The following GRM7 variants were observed in gnomAD, a reference collection of about 807,000 sequenced individuals.
GRM7 encodes glutamate metabotropic receptor 7, also known as metabotropic glutamate receptor 7.
GRM7 carries 35 observed loss-of-function variants against 84.5 expected under a neutral mutation model. That is an observed-to-expected ratio of 0.41 (90% CI 0.32 to 0.55). GRM7 has a LOEUF of 0.55. GRM7 is among the 20% of genes least tolerant of loss of function. The pLI, the probability that GRM7 is intolerant of heterozygous loss-of-function variation, is 0.19. For missense variants in GRM7, 1,003 were observed against 1,194.6 expected, an observed-to-expected ratio of 0.84 and a Z score of 2.36; for synonymous variants, 487 against 455.1, an observed-to-expected ratio of 1.07 and a Z score of -0.89.
At chr3:7,706,923 C>T (rs73023762) in intron 9 of GRM7, among the ~76,000 whole-genome samples, 7,418 of 152,184 alleles carry the variant, frequency 0.049, 231 homozygotes, top group South Asian at 0.12. Flanking sequence ...CAGCAAAGAT[C>T]GTCTCCAAGG....
intron 2 of GRM7, among the ~76,000 whole-genome samples, chr3:7,248,005 C>T (rs1376701848): frequency 6.6e-6 from 1 of 152,142 alleles, no homozygotes; most frequent in Non-Finnish European, 1.5e-5. Context: ...GATCAGAACT[C>T]TTACACTTTA....
chr3:7,490,927 A>G lies in GRM7; in HGVS notation c.1515+29205A>G, dbSNP rs545473047. On this transcript the variant is annotated intron_variant, in intron 7 of 9. Coordinates refer to ENST00000357716, the MANE Select transcript of GRM7 (RefSeq NM_000844.4). ...TTAAGGTAAATAAATAATCTAAAAC[A>G]AAAGAAAAACAAGAAAAAAATTGTA... Among the ~76,000 whole-genome samples, 18 of 152,210 alleles carry G rather than the reference A, an allele frequency of 1.2e-4. No individual in the cohort carries two copies. In the East Asian group the frequency reaches 3.1e-3, roughly 26 times the overall value.
rs368196553 is a variant in GRM7, at chr3:7,393,278, C to T, written c.1034-21745C>T. 8.9e-4 allele frequency among the ~76,000 whole-genome samples: 136 copies of T among 152,308 alleles called. 4 individuals carry two copies. The South Asian group carries it at 0.026, about 29-fold the overall frequency. On this transcript the variant is annotated intron_variant, in intron 4 of 9. Transcript: ENST00000357716. ...GGCTCCCAGCTGAGGCTACTCCAGG[C>T]TCAAGTGCCTGCGGAATTCTGTGTG...
intron 7 of GRM7, among the ~76,000 whole-genome samples, chr3:7,559,760 C>T (rs771489598): frequency 3.9e-5 from 6 of 152,112 alleles, no homozygotes; most frequent in Admixed American, 6.6e-5. Flanking sequence ...AGAATACCTC[C>T]GACTGGGTGA....
chr3:7,572,826 ATATATATATATATATATATATATAT>A (rs1559411739), intron 7 of GRM7, among the ~76,000 whole-genome samples: 14,608 of 62,516 alleles, frequency 0.23, 2,885 homozygotes, highest in Middle Eastern at 0.38. Flanking sequence ...TATCTCAAAT[ATATATATATATATATATATATATAT>A]ATATATATAT....
At chr3:7,451,791 A>G (rs1697779967) in intron 5 of GRM7, 1 of 152,202 alleles carries the variant, frequency 6.6e-6, no homozygotes, top group Non-Finnish European at 1.5e-5. Context: ...ATCAGTTGTT[A>G]TCATTATTAG....
At chr3:7,024,906 G>T (rs1302339721) in intron 1 of GRM7, among the ~76,000 whole-genome samples, 1 of 152,288 alleles carries the variant, frequency 6.6e-6, no homozygotes, top group Non-Finnish European at 1.5e-5. Flanking sequence ...GGCTTAAAAC[G>T]ATGTAAATGT....
At chr3:7,428,767 C>T (rs1287420297) in intron 5 of GRM7, among the ~76,000 whole-genome samples, 2 of 152,080 alleles carry the variant, frequency 1.3e-5, no homozygotes, top group Admixed American at 1.3e-4. Flanking sequence ...TCTGTGACCC[C>T]AGAATAATAA....
At chr3:7,271,132 T>G (rs1287274315) in intron 2 of GRM7, among the ~76,000 whole-genome samples, 4 of 152,222 alleles carry the variant, frequency 2.6e-5, no homozygotes, top group African/African-American at 9.6e-5. Context: ...AAGTCTATTT[T>G]TAAGCTAAGA....
intron 7 of GRM7, among the ~76,000 whole-genome samples, chr3:7,551,074 T>G (rs1191320837): frequency 6.6e-6 from 1 of 152,172 alleles, no homozygotes; most frequent in Non-Finnish European, 1.5e-5. Flanking sequence ...ACTCCATCAA[T>G]TTTTCAAATT....
chr3:7,209,481 A>G (rs890494772), intron 2 of GRM7, among the ~76,000 whole-genome samples: 1 of 152,214 alleles, frequency 6.6e-6, no homozygotes, highest in Non-Finnish European at 1.5e-5. Context: ...ACATCCAGAG[A>G]CAATGTGCTC....
chr3:7,092,402 G>C (rs1298413761), intron 1 of GRM7, among the ~76,000 whole-genome samples: 1 of 152,012 alleles, frequency 6.6e-6, no homozygotes, highest in East Asian at 1.9e-4. Context: ...TCCTGTACTT[G>C]GTACTTTAAT....
chr3:7,517,498 T>C (rs1700436704), intron 7 of GRM7, among the ~76,000 whole-genome samples: 1 of 152,086 alleles, frequency 6.6e-6, no homozygotes, highest in Non-Finnish European at 1.5e-5. Context: ...GTTCAAGGGA[T>C]TCCCATGCCT....
chr3:6,981,172 G>C (rs1224710822), intron 1 of GRM7, among the ~76,000 whole-genome samples: 1 of 152,038 alleles, frequency 6.6e-6, no homozygotes, highest in African/African-American at 2.4e-5. Context: ...TGATTTCTGG[G>C]TTGCATCTTT....
At chr3:6,969,246 A>T (rs1342480398) in intron 1 of GRM7, among the ~76,000 whole-genome samples, 1 of 152,204 alleles carries the variant, frequency 6.6e-6, no homozygotes, top group Non-Finnish European at 1.5e-5. Flanking sequence ...CCTGAAAATT[A>T]TCTATCTCTG....
At chr3:7,536,023 C>T (rs980441383) in intron 7 of GRM7, among the ~76,000 whole-genome samples, 11 of 152,166 alleles carry the variant, frequency 7.2e-5, no homozygotes, top group Non-Finnish European at 1.6e-4. Flanking sequence ...TGGTGCTCCT[C>T]TAATAGGGCT....
intron 9 of GRM7, among the ~76,000 whole-genome samples, chr3:7,686,900 C>T (rs1179034101): frequency 2.0e-5 from 3 of 152,132 alleles, no homozygotes; most frequent in Non-Finnish European, 4.4e-5. Context: ...TTAGTAAATA[C>T]ATTCAAAGAA....
At chr3:7,289,352 G>A (rs1699538680) in intron 2 of GRM7, among the ~76,000 whole-genome samples, 1 of 152,150 alleles carries the variant, frequency 6.6e-6, no homozygotes, top group Non-Finnish European at 1.5e-5. Flanking sequence ...GATTTTGTTT[G>A]TCATCTAAGC....
chr3:7,407,049 T>A (rs1344739954), intron 4 of GRM7, among the ~76,000 whole-genome samples: 1 of 152,078 alleles, frequency 6.6e-6, no homozygotes, highest in Non-Finnish European at 1.5e-5. Context: ...CCAACAACAA[T>A]AAAAACCCAA....
Sources: allele counts gnomAD v4.1 joint callset (sites outside exome capture counted in the v4.1 genomes callset), GRCh38; gene constraint gnomAD v4.1.1; transcripts MANE v1.5; gene names NCBI Gene and HGNC (gene_info 2026-07-23, HGNC 2026-07-21).